The following BMP7 variants were observed in gnomAD, a reference collection of about 807,000 sequenced individuals.
BMP7 encodes the protein bone morphogenetic protein 7.
In BMP7, 12 loss-of-function variants were observed where a neutral mutation model predicts 41.2. That is an observed-to-expected ratio of 0.29 (90% confidence interval 0.19 to 0.47). The LOEUF (loss-of-function observed/expected upper bound fraction) is 0.47, where lower values mean the gene tolerates loss of function less well. Ranked by LOEUF, BMP7 falls within the 20% of genes least tolerant of loss-of-function variation. The probability of loss-of-function intolerance (pLI) is 0.99; values close to 1 mark genes in which losing one functional copy is unlikely to be tolerated. For missense variants in BMP7, 467 were observed against 606.0 expected, an observed-to-expected ratio of 0.77 and a Z score of 2.41; for synonymous variants, 248 against 250.0, an observed-to-expected ratio of 0.99 and a Z score of 0.07.
At chr20:57,195,124 T>C (rs1984462327) in intron 3 of BMP7, among the ~76,000 whole-genome samples, 3 of 152,260 alleles carry the variant, frequency 2.0e-5, no homozygotes, top group South Asian at 2.1e-4. Flanking sequence ...AAAATCGGCA[T>C]GGCCAGCCCG....
At chr20:57,204,168 CCAGT>C (rs1278690502) in intron 2 of BMP7, among the ~76,000 whole-genome samples, 2 of 152,168 alleles carry the variant, frequency 1.3e-5, no homozygotes, top group African/African-American at 4.8e-5. Flanking sequence ...GAGCCTTTCA[CCAGT>C]CAACCTCGTT....
intron 1 of BMP7, among the ~76,000 whole-genome samples, chr20:57,258,535 AC>A (rs2066142488): frequency 6.6e-6 from 1 of 152,260 alleles, no homozygotes; most frequent in African/African-American, 2.4e-5. Context: ...TTTAAATGAA[AC>A]ATTTTATTTT....
At chr20:57,181,165 C>T (rs535622010) in intron 4 of BMP7, among the ~76,000 whole-genome samples, 4 of 152,270 alleles carry the variant, frequency 2.6e-5, no homozygotes, top group South Asian at 4.1e-4. Flanking sequence ...ACTCCTGAGC[C>T]GGCCCCCAGA....
intron 1 of BMP7, among the ~76,000 whole-genome samples, chr20:57,260,889 G>T (rs2066151570): frequency 6.6e-6 from 1 of 152,218 alleles, no homozygotes; most frequent in Non-Finnish European, 1.5e-5. Flanking sequence ...AATTAATGTG[G>T]CCAGAAGCAT....
At chr20:57,178,896 G>T (rs769235516) in intron 4 of BMP7, among the ~76,000 whole-genome samples, 5 of 152,156 alleles carry the variant, frequency 3.3e-5, no homozygotes, top group Admixed American at 6.5e-5. Context: ...ATGAGCACAG[G>T]AGAGGCCATG....
chr20:57,185,523 G>T (rs997932941), intron 3 of BMP7, among the ~76,000 whole-genome samples: 1 of 152,254 alleles, frequency 6.6e-6, no homozygotes, highest in African/African-American at 2.4e-5. Flanking sequence ...AGGCAATGGA[G>T]CATAAGCTGG....
At chr20:57,173,452 G>A in intron 5 of BMP7, 142 bp from the exon 6 acceptor site, 1 of 795,394 alleles carries the variant, frequency 1.3e-6, no homozygotes, top group Non-Finnish European at 2.1e-6. Context: ...GCAGCAGGGG[G>A]CCCAGCAGGG....
chr20:57,214,639 C>G lies in BMP7; in HGVS notation c.612-12016G>C, dbSNP rs1008953072. ...ACACTGTTCCCTGCCTTTTCACCTC[C>G]CTCACACCTGCCTGTTCTTGAGCAT... On this transcript the variant is annotated intron_variant, in intron 2 of 6. Coordinates refer to ENST00000395863, the MANE Select transcript of BMP7 (RefSeq NM_001719.3). This position sits in a 1 kb window ranked among gnomAD's most constrained non-coding sequence, Gnocchi z 4.0. 2.0e-5 allele frequency among the ~76,000 whole-genome samples: 3 copies of G among 152,216 alleles called. No homozygotes were observed. The highest frequency in any genetic ancestry group is 4.4e-5 in the Non-Finnish European group (3 of 68,038).
intron 2 of BMP7, among the ~76,000 whole-genome samples, chr20:57,209,874 T>C (rs1984839427): frequency 6.6e-6 from 1 of 152,200 alleles, no homozygotes; most frequent in Non-Finnish European, 1.5e-5. Context: ...TGGAAAAAGC[T>C]AGATCTGTAT....
At position 57,170,818 on chromosome 20, in the gene BMP7, C is replaced by T. The variant is rs1329735545; in HGVS notation, c.*141G>A. On this transcript the variant is annotated 3_prime_UTR_variant, in exon 7 of 7. Transcript: ENST00000395863. ...AAAAGCCATATGCTGCTCATGTTTCCTAATACTCTCACACCTTTAAAGTTG... is the reference window on the plus strand; with the variant it reads ...AAAAGCCATATGCTGCTCATGTTTCTTAATACTCTCACACCTTTAAAGTTG... 1.9e-5 allele frequency: 21 copies of T among 1,100,666 alleles called. No individual in the cohort carries two copies. The highest frequency in any genetic ancestry group is 4.7e-5 in the African/African-American group (3 of 64,272). The allele number at this position is 1,100,666 out of a possible 1,614,324, so 68.2% of individuals were successfully genotyped here.
chr20:57,189,511 C>G (rs1213070576), intron 3 of BMP7, among the ~76,000 whole-genome samples: 1 of 152,240 alleles, frequency 6.6e-6, no homozygotes, highest in African/African-American at 2.4e-5. Flanking sequence ...ATCGCACACG[C>G]GTGACGCAGA....
Position 57,192,007 on chromosome 20 carries a change from T to TATAC in BMP7, c.761-8089_761-8088insGTAT. Among the ~76,000 whole-genome samples, 2 of 125,784 alleles carry TATAC rather than the reference T, an allele frequency of 1.6e-5. 1 individual carries two copies. The highest frequency in any genetic ancestry group is 6.5e-5 in the African/African-American group (2 of 30,986). The allele number at this position is 125,784 out of a possible 152,430, so 82.5% of individuals were successfully genotyped here. On this transcript the variant is annotated intron_variant, in intron 3 of 6. Coordinates refer to ENST00000395863, the MANE Select transcript of BMP7 (RefSeq NM_001719.3). ...TAATTGTATATTATTGTATATGTAA[T>TATAC]ATATATTATATATAATATATAATAT... is the stretch of plus-strand genomic sequence containing the variant.
Position 57,228,214 on chromosome 20 carries a change from C to T in BMP7, c.611+15G>A. ...GAAACTCAGCACCTCTCCCAGATAC[C>T]CGTATAGCACCCACCTGCCCAAGTG... On this transcript the variant is annotated intron_variant, in intron 2 of 6. Transcript: ENST00000395863. The surrounding 1 kb of genome is among the most constrained non-coding windows in gnomAD (Gnocchi z 4.5). 1 of 1,612,428 alleles carries T rather than the reference C, an allele frequency of 6.2e-7. No homozygotes were observed. Among genetic ancestry groups the T allele is most frequent in the African/African-American group, 1.3e-5 (1 of 74,988 alleles).
At chr20:57,264,595 G>C (rs1019829601) in intron 1 of BMP7, among the ~76,000 whole-genome samples, 12 of 152,186 alleles carry the variant, frequency 7.9e-5, no homozygotes, top group Admixed American at 5.2e-4. Context: ...GTCGGAAACC[G>C]GGACCCCCAG....
At chr20:57,218,947 A>C (rs36125547) in intron 2 of BMP7, among the ~76,000 whole-genome samples, 96,272 of 141,788 alleles carry the variant, frequency 0.68, 32,713 homozygotes, top group African/African-American at 0.84. Context: ...GGTGTTGGTT[A>C]GGTGGTAGCT....
At chr20:57,205,087 G>A (rs747965746) in intron 2 of BMP7, among the ~76,000 whole-genome samples, 33 of 152,316 alleles carry the variant, frequency 2.2e-4, no homozygotes, top group African/African-American at 5.8e-4. Context: ...CCCTGCCAGC[G>A]CCTAGATCTT....
chr20:57,234,299 C>T lies in BMP7; in HGVS notation c.419-5878G>A, dbSNP rs141515415. On this transcript the variant is annotated intron_variant, in intron 1 of 6. Coordinates refer to ENST00000395863, the MANE Select transcript of BMP7 (RefSeq NM_001719.3). ...TGAAAGAGCCCCTGTTCGCTCTCCC[C>T]GCCTTGATCTCTAAGGATGTAATCC... Among the ~76,000 whole-genome samples the T allele has an allele frequency of 4.5e-3, 681 of 152,308 alleles. 3 individuals are homozygous for T. The highest frequency in any genetic ancestry group is 0.015 in the African/African-American group (641 of 41,566).
chr20:57,172,845 C>G (rs1273689086), intron 6 of BMP7, among the ~76,000 whole-genome samples: 2 of 152,164 alleles, frequency 1.3e-5, no homozygotes, highest in Non-Finnish European at 2.9e-5. Context: ...AATTTCTCAT[C>G]TGTTTACCTG....
chr20:57,179,892 C>T (rs1984035215), intron 4 of BMP7, among the ~76,000 whole-genome samples: 1 of 152,166 alleles, frequency 6.6e-6, no homozygotes, highest in African/African-American at 2.4e-5. Context: ...GTGAGAGCCC[C>T]GTCCTGGGGG....
Sources: allele counts gnomAD v4.1 joint callset (sites outside exome capture counted in the v4.1 genomes callset), GRCh38; gene constraint gnomAD v4.1.1; non-coding constraint Gnocchi (gnomAD v3.1); transcripts MANE v1.5; gene names NCBI Gene and HGNC (gene_info 2026-07-23, HGNC 2026-07-21).